ROBO1: variants seen among roughly 807,000 people sequenced by gnomAD.
ROBO1 encodes the protein roundabout guidance receptor 1, also known as roundabout homolog 1.
A neutral mutation model predicts 195.9 loss-of-function variants in ROBO1; 149 were observed. The ratio of observed to expected loss-of-function variants is 0.76; its 90% CI spans 0.67 to 0.87. The LOEUF (loss-of-function observed/expected upper bound fraction) is 0.87. Among genes scored for constraint, ROBO1 ranks in the 40% least tolerant of loss-of-function variants. The pLI, the probability that ROBO1 is intolerant of heterozygous loss-of-function variation, is 0.00. For synonymous variants in ROBO1, 816 were observed against 733.2 expected, an observed-to-expected ratio of 1.11 and a Z score of -1.82; for missense variants, 1,933 against 2,068.3, an observed-to-expected ratio of 0.93 and a Z score of 1.27.
At chr3:79,029,163 T>G (rs996854698) in intron 3 of ROBO1, among the ~76,000 whole-genome samples, 1 of 152,102 alleles carries the variant, frequency 6.6e-6, no homozygotes, top group Non-Finnish European at 1.5e-5. Flanking sequence ...CAAATCACAT[T>G]ACTTTGGCCT....
chr3:78,864,318 T>G (rs2035031144), intron 4 of ROBO1, among the ~76,000 whole-genome samples: 1 of 152,144 alleles, frequency 6.6e-6, no homozygotes, highest in Non-Finnish European at 1.5e-5. Context: ...GACAAATTAA[T>G]TGCCTAGTGG....
rs1177202196 is a variant in ROBO1, at chr3:78,597,567, T to C, written c.*1346A>G. ...TTTTTTCTTCAAATAGCACCAATTA[T>C]AAAATCAATGATATTCATAAAATGA... On this transcript the variant is annotated 3_prime_UTR_variant, in exon 31 of 31. Coordinates refer to ENST00000464233, the MANE Select transcript of ROBO1 (RefSeq NM_002941.4). The C allele has an allele frequency of 6.6e-6, 1 of 151,542 alleles. No homozygotes were observed. The highest frequency in any genetic ancestry group is 1.5e-5 in the Non-Finnish European group (1 of 67,968). 9.4% of individuals were successfully genotyped at this position (151,542 alleles called of 1,614,324 possible).
intron 2 of ROBO1, among the ~76,000 whole-genome samples, chr3:79,181,528 T>C (rs2108732029): frequency 6.6e-6 from 1 of 152,326 alleles, no homozygotes; most frequent in Middle Eastern, 3.4e-3. Flanking sequence ...TGGTGTGTAG[T>C]GTTGACGTTC....
At chr3:79,510,338 G>A (rs2107537978) in intron 2 of ROBO1, among the ~76,000 whole-genome samples, 1 of 152,220 alleles carries the variant, frequency 6.6e-6, no homozygotes, top group South Asian at 2.1e-4. Context: ...CCATGAAGAG[G>A]TGCCTTCTGC....
chr3:78,715,278 C>T (rs909552972), intron 7 of ROBO1: 7 of 152,136 alleles, frequency 4.6e-5, no homozygotes, highest in Non-Finnish European at 7.4e-5. Flanking sequence ...TTCTGTTCTT[C>T]CCCTAACATA....
intron 3 of ROBO1, among the ~76,000 whole-genome samples, chr3:78,962,744 A>G (rs1436947521): frequency 6.8e-6 from 1 of 147,320 alleles, no homozygotes; most frequent in East Asian, 2.0e-4. Context: ...CAATGGTGTG[A>G]ACCTGGAGGG....
At chr3:79,746,646 A>T (rs1466616310) in intron 1 of ROBO1, among the ~76,000 whole-genome samples, 1 of 152,066 alleles carries the variant, frequency 6.6e-6, no homozygotes, top group Non-Finnish European at 1.5e-5. Flanking sequence ...AATGAGAAAT[A>T]TACCACAGAG....
chr3:79,200,690 G>C (rs2081746263), intron 2 of ROBO1, among the ~76,000 whole-genome samples: 1 of 151,708 alleles, frequency 6.6e-6, no homozygotes, highest in South Asian at 2.1e-4. Context: ...CCAGAGAATG[G>C]CACGTACTCT....
At chr3:79,439,790 C>T (rs980698153) in intron 2 of ROBO1, among the ~76,000 whole-genome samples, 7 of 152,078 alleles carry the variant, frequency 4.6e-5, no homozygotes, top group East Asian at 1.9e-4. Context: ...AGTGGTTACC[C>T]TGTTTTTATG....
chr3:79,644,749 G>A (rs1323353068), intron 1 of ROBO1, among the ~76,000 whole-genome samples: 2 of 152,062 alleles, frequency 1.3e-5, no homozygotes, highest in Non-Finnish European at 2.9e-5. Flanking sequence ...ACTAACTGGT[G>A]CAGAATACAC....
chr3:78,648,358 T>C (rs753212156), intron 19 of ROBO1, among the ~76,000 whole-genome samples: 3 of 152,164 alleles, frequency 2.0e-5, no homozygotes, highest in Admixed American at 6.6e-5. Context: ...AATTTTAATT[T>C]CTTTGAGTTT....
At chr3:78,600,353 A>T in intron 29 of ROBO1, 44 bp from the exon 30 acceptor site, 1 of 1,214,728 alleles carries the variant, frequency 8.2e-7, no homozygotes, top group Non-Finnish European at 1.2e-6. Context: ...ACCATCATAC[A>T]CTTTCACTGT....
intron 2 of ROBO1, among the ~76,000 whole-genome samples, chr3:79,449,291 T>C (rs1011052605): frequency 6.6e-6 from 1 of 151,512 alleles, no homozygotes; most frequent in Non-Finnish European, 1.5e-5. Flanking sequence ...GCTCCTCAGA[T>C]ACAATAAAAT....
intron 4 of ROBO1, among the ~76,000 whole-genome samples, chr3:78,930,871 T>C (rs896693462): frequency 2.8e-4 from 42 of 152,222 alleles, no homozygotes; most frequent in African/African-American, 9.9e-4. Flanking sequence ...TGTTTTAAAA[T>C]GTAAATCAGA....
intron 2 of ROBO1, among the ~76,000 whole-genome samples, chr3:79,340,131 A>G (rs989466111): frequency 2.0e-5 from 3 of 152,140 alleles, no homozygotes; most frequent in African/African-American, 7.2e-5. Flanking sequence ...CATTTTTCAA[A>G]ACCAAGTTAT....
chr3:78,987,778 T>C (rs1443966465), intron 3 of ROBO1, among the ~76,000 whole-genome samples: 1 of 151,972 alleles, frequency 6.6e-6, no homozygotes, highest in Admixed American at 6.6e-5. Flanking sequence ...TTATCTGTAA[T>C]ACAAAGGAGA....
At position 79,235,316 on chromosome 3, in the gene ROBO1, G is replaced by T. The variant is rs324750; in HGVS notation, c.89-109777C>A. ...AGGAAAATAAGTGGTTGCATTTGGG[G>T]AGTGATATTGGAGAACAGGTAGAAT... On this transcript the variant is annotated intron_variant, in intron 2 of 30. Transcript: ENST00000464233. Among the ~76,000 whole-genome samples, 427 of 152,170 alleles carry T rather than the reference G, an allele frequency of 2.8e-3. 3 individuals are homozygous for T. The highest frequency in any genetic ancestry group is 8.9e-3 in the African/African-American group (370 of 41,524).
chr3:78,956,473 C>A (rs1376777792), intron 3 of ROBO1, among the ~76,000 whole-genome samples: 1 of 152,062 alleles, frequency 6.6e-6, no homozygotes, highest in African/African-American at 2.4e-5. Context: ...GCCATAAAAA[C>A]CAGTTTTGTT....
intron 2 of ROBO1, among the ~76,000 whole-genome samples, chr3:79,402,876 A>T (rs1021198477): frequency 6.6e-6 from 1 of 151,886 alleles, no homozygotes; most frequent in Non-Finnish European, 1.5e-5. Context: ...TGAAGCCTTT[A>T]TTTATAGTAT....
Sources: allele counts gnomAD v4.1 joint callset (sites outside exome capture counted in the v4.1 genomes callset), GRCh38; gene constraint gnomAD v4.1.1; transcripts MANE v1.5; gene names NCBI Gene and HGNC (gene_info 2026-07-23, HGNC 2026-07-21).